Variants in BTBD9 observed in about 807,000 individuals in gnomAD.
The protein encoded by BTBD9 is BTB domain containing 9.
Under a neutral mutation model 64.3 loss-of-function variants are expected in BTBD9, and 49 were observed. That is an observed-to-expected ratio of 0.76 (90% CI 0.61 to 0.97). BTBD9 has a LOEUF of 0.97. BTBD9 is among the 50% of genes least tolerant of loss of function. The pLI is 0.00. For missense variants in BTBD9, 598 were observed against 762.1 expected, an observed-to-expected ratio of 0.78 and a Z score of 2.53; for synonymous variants, 260 against 274.7, an observed-to-expected ratio of 0.95 and a Z score of 0.53.
At chr6:38,350,309 T>C (rs1764451974) in intron 6 of BTBD9, among the ~76,000 whole-genome samples, 1 of 152,192 alleles carries the variant, frequency 6.6e-6, no homozygotes, top group South Asian at 2.1e-4. Context: ...TGCTACTAGA[T>C]TTAATTTCTA....
At chr6:38,598,493 G>A (rs1777134476) in intron 1 of BTBD9, among the ~76,000 whole-genome samples, 1 of 152,092 alleles carries the variant, frequency 6.6e-6, no homozygotes, top group Non-Finnish European at 1.5e-5. Flanking sequence ...GCAAGGTTGG[G>A]TACAATTATA....
chr6:38,181,796 C>T (rs879137726), intron 10 of BTBD9, among the ~76,000 whole-genome samples: 14 of 152,004 alleles, frequency 9.2e-5, no homozygotes, highest in Non-Finnish European at 1.2e-4. Flanking sequence ...GAGACCAGCC[C>T]GGCCGACGTG....
chr6:38,448,297 GAGA>G (rs2127327705), intron 6 of BTBD9, among the ~76,000 whole-genome samples: 1 of 152,338 alleles, frequency 6.6e-6, no homozygotes, highest in East Asian at 1.9e-4. Context: ...GTAAAAGAAA[GAGA>G]AGGAGAGGGG....
intron 7 of BTBD9, among the ~76,000 whole-genome samples, chr6:38,325,449 G>C (rs1763385847): frequency 6.6e-6 from 1 of 152,176 alleles, no homozygotes; most frequent in African/African-American, 2.4e-5. Flanking sequence ...ACTTTGGGAG[G>C]CCGAGGCGGG....
At chr6:38,506,168 A>T (rs1279927073) in intron 6 of BTBD9, among the ~76,000 whole-genome samples, 1 of 152,088 alleles carries the variant, frequency 6.6e-6, no homozygotes, top group East Asian at 1.9e-4. Flanking sequence ...TTGATTCTAT[A>T]CATTACACAG....
chr6:38,207,802 T>C (rs1294784277), intron 9 of BTBD9, among the ~76,000 whole-genome samples: 3 of 152,200 alleles, frequency 2.0e-5, no homozygotes, highest in African/African-American at 4.8e-5. Flanking sequence ...ACATTAAATA[T>C]ATTTTTTGGA....
Position 38,316,855 on chromosome 6 carries a change from G to A in BTBD9, c.1264+28129C>T, listed in dbSNP as rs1197639784. ...CTTTCGGACCAAAGAACTCCCTTTGGCATTTCTTGTAGGACAGGTCTAGTG... is the reference window on the plus strand; with the variant it reads ...CTTTCGGACCAAAGAACTCCCTTTGACATTTCTTGTAGGACAGGTCTAGTG... On this transcript the variant is annotated intron_variant, in intron 7 of 10. Transcript: ENST00000481247. Among the ~76,000 whole-genome samples the A allele has an allele frequency of 1.8e-4, 28 of 152,080 alleles. 1 individual carries two copies. The highest frequency in any genetic ancestry group is 1.8e-3 in the Admixed American group (28 of 15,264).
At chr6:38,237,641 T>G (rs940972767) in intron 9 of BTBD9, among the ~76,000 whole-genome samples, 2 of 152,172 alleles carry the variant, frequency 1.3e-5, no homozygotes, top group Non-Finnish European at 2.9e-5. Context: ...AATGAATGAA[T>G]AGATAATGCC....
chr6:38,366,540 G>C (rs979887625), intron 6 of BTBD9, among the ~76,000 whole-genome samples: 2 of 152,202 alleles, frequency 1.3e-5, no homozygotes, highest in Non-Finnish European at 2.9e-5. Context: ...CAGAACCCAA[G>C]AGTAAAATGA....
intron 9 of BTBD9, among the ~76,000 whole-genome samples, chr6:38,217,391 G>T (rs1430227024): frequency 6.7e-6 from 1 of 149,476 alleles, no homozygotes; most frequent in African/African-American, 2.5e-5. Context: ...CCATCAGGTA[G>T]AAGGTGGCAA....
chr6:38,229,769 A>C (rs1005062676), intron 9 of BTBD9, among the ~76,000 whole-genome samples: 5 of 152,220 alleles, frequency 3.3e-5, no homozygotes, highest in African/African-American at 1.2e-4. Flanking sequence ...GGAGAGCATC[A>C]CATTTATCCC....
chr6:38,639,628 C>A (rs1372045279), intron 1 of BTBD9, among the ~76,000 whole-genome samples, 172 bp downstream of exon 1: 3 of 152,188 alleles, frequency 2.0e-5, no homozygotes, highest in African/African-American at 4.8e-5. Context: ...TCTCCCAGAG[C>A]ACCCGGGCCC....
intron 7 of BTBD9, among the ~76,000 whole-genome samples, chr6:38,312,384 T>C (rs1302536474): frequency 6.6e-6 from 1 of 152,240 alleles, no homozygotes. Flanking sequence ...TTGTTTCTTT[T>C]GCTGTGCAGA....
At chr6:38,359,379 T>C (rs542004726) in intron 6 of BTBD9, among the ~76,000 whole-genome samples, 26 of 152,268 alleles carry the variant, frequency 1.7e-4, no homozygotes, top group African/African-American at 5.3e-4. Flanking sequence ...GACGAGAGCA[T>C]GAAAAGGCCA....
At chr6:38,190,467 T>TAA (rs70981527) in intron 10 of BTBD9, among the ~76,000 whole-genome samples, 3,221 of 77,250 alleles carry the variant, frequency 0.042, 121 homozygotes, top group Middle Eastern at 0.067. Flanking sequence ...AAACTCTGTC[T>TAA]AAAAAAAAAA....
chr6:38,328,968 ATGTGTGTGTGTGTGTG>A (rs70981541), intron 7 of BTBD9, among the ~76,000 whole-genome samples: 335 of 127,372 alleles, frequency 2.6e-3, no homozygotes, highest in African/African-American at 9.5e-3. Context: ...GAAAGAAAAT[ATGTGTGTGTGTGTGTG>A]TGTGTGTGTG....
chr6:38,488,529 A>G (rs918083848), intron 6 of BTBD9, among the ~76,000 whole-genome samples: 1 of 152,184 alleles, frequency 6.6e-6, no homozygotes, highest in East Asian at 1.9e-4. Flanking sequence ...GGCATAGCAC[A>G]GTCCTGTCTC....
intron 9 of BTBD9, among the ~76,000 whole-genome samples, chr6:38,214,066 A>T (rs948427067): frequency 2.0e-5 from 3 of 152,034 alleles, no homozygotes; most frequent in Non-Finnish European, 2.9e-5. Flanking sequence ...TTCTTGATTT[A>T]AAAAAAGTCA....
chr6:38,326,791 G>A (rs1266084602), intron 7 of BTBD9, among the ~76,000 whole-genome samples: 2 of 150,806 alleles, frequency 1.3e-5, no homozygotes, highest in African/African-American at 4.9e-5. Flanking sequence ...GTTGCGGGTA[G>A]GGGTATCCTC....
Sources: allele counts gnomAD v4.1 joint callset (sites outside exome capture counted in the v4.1 genomes callset), GRCh38; gene constraint gnomAD v4.1.1; transcripts MANE v1.5; gene names NCBI Gene and HGNC (gene_info 2026-07-23, HGNC 2026-07-21).